The following NRG3 variants were observed in gnomAD, a reference collection of about 807,000 sequenced individuals.
NRG3 encodes pro-neuregulin-3, membrane-bound isoform.
NRG3 carries 31 observed loss-of-function variants against 66.9 expected under a neutral mutation model. The observed-to-expected ratio is 0.46, with a 90% CI of 0.35 to 0.63. NRG3 has a LOEUF of 0.63. Among genes scored for constraint, NRG3 ranks in the 20% least tolerant of loss-of-function variants. The probability of loss-of-function intolerance (pLI) is 0.00; values close to 1 mark genes in which losing one functional copy is unlikely to be tolerated. For missense variants in NRG3, 910 were observed against 878.9 expected (o/e 1.04, Z -0.45); for synonymous variants, 393 against 359.4 (o/e 1.09, Z -1.06).
intron 2 of NRG3, among the ~76,000 whole-genome samples, chr10:82,500,850 G>T (rs778923767): frequency 2.6e-5 from 4 of 152,060 alleles, no homozygotes; most frequent in Non-Finnish European, 5.9e-5. Flanking sequence ...CTAAACTCGG[G>T]TATCAACAAT....
chr10:82,292,812 A>G (rs1378704145), intron 1 of NRG3, among the ~76,000 whole-genome samples: 4 of 152,196 alleles, frequency 2.6e-5, no homozygotes, highest in African/African-American at 9.7e-5. Context: ...AATGGAAAAC[A>G]ATGTGTAGTT....
At chr10:82,139,809 G>A (rs1291928212) in intron 1 of NRG3, among the ~76,000 whole-genome samples, 1 of 152,074 alleles carries the variant, frequency 6.6e-6, no homozygotes, top group Non-Finnish European at 1.5e-5. Flanking sequence ...TTGATTCATT[G>A]TTACTTTAAA....
chr10:82,397,404 T>A (rs1247644406), intron 2 of NRG3, among the ~76,000 whole-genome samples: 1 of 152,198 alleles, frequency 6.6e-6, no homozygotes, highest in East Asian at 1.9e-4. Flanking sequence ...ACTCATCTTG[T>A]AAGGAAAGGA....
intron 1 of NRG3, among the ~76,000 whole-genome samples, chr10:82,305,449 TTTTATAAGCATCATGATAAGA>T (rs2080669991): frequency 6.6e-6 from 1 of 152,134 alleles, no homozygotes; most frequent in African/African-American, 2.4e-5. Flanking sequence ...CTTTAGAGAA[TTTTATAAGCATCATGATAAGA>T]TATACATGTT....
At chr10:81,973,116 A>G (rs949339419) in intron 1 of NRG3, among the ~76,000 whole-genome samples, 3 of 151,820 alleles carry the variant, frequency 2.0e-5, no homozygotes, top group Non-Finnish European at 2.9e-5. Context: ...GTTCCCCTCT[A>G]TGTGTCTATC....
At position 81,989,809 on chromosome 10, in the gene NRG3, AG is replaced by A. The variant is rs1371506288; in HGVS notation, c.823+113647del. ...GACCAACAAGTTATTGATGGCCTTG[AG>A]AAAAATGCGACTCTGGAGATGTGTC... On this transcript the variant is annotated intron_variant, in intron 1 of 8. Transcript: ENST00000372141. Among the ~76,000 whole-genome samples, 4 of 152,098 alleles carry A rather than the reference AG, an allele frequency of 2.6e-5. No homozygotes were observed. The East Asian group carries it at 7.7e-4, about 29-fold the overall frequency.
At chr10:82,710,149 G>A (rs1245033783) in intron 2 of NRG3, among the ~76,000 whole-genome samples, 1 of 152,152 alleles carries the variant, frequency 6.6e-6, no homozygotes, top group Non-Finnish European at 1.5e-5. Flanking sequence ...TTCTGCACAA[G>A]TATGCAAGTT....
chr10:82,400,128 A>C (rs947671696), intron 2 of NRG3, among the ~76,000 whole-genome samples: 1 of 152,184 alleles, frequency 6.6e-6, no homozygotes, highest in East Asian at 1.9e-4. Flanking sequence ...AACATATATA[A>C]TTATCCCACT....
intron 1 of NRG3, among the ~76,000 whole-genome samples, chr10:82,315,899 A>C (rs1032334319): frequency 2.0e-5 from 3 of 152,028 alleles, no homozygotes; most frequent in Non-Finnish European, 4.4e-5. Flanking sequence ...TTCTGACCTT[A>C]GCCTCCCAAA....
intron 3 of NRG3, among the ~76,000 whole-genome samples, chr10:82,742,542 T>C (rs1016118630): frequency 6.6e-6 from 1 of 152,136 alleles, no homozygotes; most frequent in East Asian, 1.9e-4. Flanking sequence ...ATGGATTCAA[T>C]GTACCACAAG....
intron 2 of NRG3, among the ~76,000 whole-genome samples, chr10:82,532,043 A>G (rs748413804): frequency 3.3e-5 from 5 of 151,906 alleles, no homozygotes; most frequent in Non-Finnish European, 7.4e-5. Flanking sequence ...TTTAAGGAGT[A>G]TATGTGATAC....
intron 1 of NRG3, among the ~76,000 whole-genome samples, chr10:82,294,100 A>G (rs1210220962): frequency 6.6e-6 from 1 of 152,106 alleles, no homozygotes; most frequent in African/African-American, 2.4e-5. Flanking sequence ...CTCAGCTCTA[A>G]GGGATTTACT....
chr10:82,444,031 G>A (rs2090581903), intron 2 of NRG3, among the ~76,000 whole-genome samples: 1 of 152,118 alleles, frequency 6.6e-6, no homozygotes, highest in Admixed American at 6.5e-5. Flanking sequence ...GAAATGATAA[G>A]ACTATCAACA....
At position 81,935,050 on chromosome 10, in the gene NRG3, G is replaced by A. The variant is rs1237107885; in HGVS notation, c.823+58887G>A. Reference sequence around the variant, plus strand: ...AAGCCATGGCTGTTTATTACATTGTGTTATTTTATTCATGGATTAAAGCTT... The same window carrying A: ...AAGCCATGGCTGTTTATTACATTGTATTATTTTATTCATGGATTAAAGCTT... On this transcript the variant is annotated intron_variant, in intron 1 of 8. Transcript: ENST00000372141. 2.0e-5 allele frequency among the ~76,000 whole-genome samples: 3 copies of A among 152,152 alleles called. No individual in the cohort carries two copies. In the East Asian group the frequency reaches 5.8e-4, roughly 29 times the overall value.
chr10:82,323,343 C>T (rs11193705), intron 1 of NRG3, among the ~76,000 whole-genome samples: 2,360 of 152,220 alleles, frequency 0.016, 55 homozygotes, highest in African/African-American at 0.052. Flanking sequence ...GCTGGGACCT[C>T]AATAGTGTCA....
At chr10:81,923,294 C>T (rs1413765745) in intron 1 of NRG3, among the ~76,000 whole-genome samples, 8 of 151,242 alleles carry the variant, frequency 5.3e-5, no homozygotes, top group East Asian at 1.9e-4. Context: ...CAAGCTCCGC[C>T]TCCCGGGTTC....
intron 4 of NRG3, among the ~76,000 whole-genome samples, chr10:82,877,883 T>A (rs1841978900): frequency 6.6e-6 from 1 of 152,232 alleles, no homozygotes. Context: ...TCTGTACCTC[T>A]ACTGCATAGC....
chr10:81,914,569 AAAAC>A (rs144612678), intron 1 of NRG3, among the ~76,000 whole-genome samples: 16,142 of 151,324 alleles, frequency 0.11, 1,329 homozygotes, highest in African/African-American at 0.22. Flanking sequence ...CCTGTTTCTG[AAAAC>A]AAACAAACAA....
At chr10:82,511,348 A>G (rs909949913) in intron 2 of NRG3, among the ~76,000 whole-genome samples, 2 of 152,240 alleles carry the variant, frequency 1.3e-5, no homozygotes, top group Non-Finnish European at 2.9e-5. Context: ...GTTCAAGTTT[A>G]TCCCAGCTTA....
Sources: gnomAD v4.1 joint callset for allele counts (sites outside exome capture counted in the v4.1 genomes callset) on GRCh38, gnomAD v4.1.1 for gene constraint, MANE v1.5 for transcripts, NCBI Gene and HGNC (gene_info 2026-07-23, HGNC 2026-07-21) for gene names.